The following KANK1 variants were observed in gnomAD, a reference collection of about 807,000 sequenced individuals.
KANK1 encodes KN motif and ankyrin repeat domains 1, also known as KN motif and ankyrin repeat domain-containing protein 1.
In KANK1, 109 loss-of-function variants were observed where a neutral mutation model predicts 106.2. That is an observed-to-expected ratio of 1.03 (90% CI 0.88 to 1.20). The LOEUF (loss-of-function observed/expected upper bound fraction) is 1.20. Ranked by LOEUF, KANK1 falls within the 50% of genes most tolerant of loss-of-function variation. The pLI is 0.00. For synonymous variants in KANK1, 873 were observed against 652.2 expected, an observed-to-expected ratio of 1.34 and a Z score of -5.16; for missense variants, 2,399 against 1,710.7, an observed-to-expected ratio of 1.40 and a Z score of -7.10.
chr9:667,260 GTC>G (rs1844850597), intron 1 of KANK1, among the ~76,000 whole-genome samples: 1 of 151,464 alleles, frequency 6.6e-6, no homozygotes, highest in African/African-American at 2.4e-5. Flanking sequence ...TACTCCTATG[GTC>G]TCTGTTGTTT....
intron 1 of KANK1, chr9:549,511 A>G (rs771772323): frequency 1.2e-4 from 19 of 152,244 alleles, no homozygotes; most frequent in Non-Finnish European, 2.2e-4. Context: ...TTCCTTCAAA[A>G]TAAAAAACTA....
At chr9:538,161 C>G (rs920006356) in intron 1 of KANK1, among the ~76,000 whole-genome samples, 1 of 148,508 alleles carries the variant, frequency 6.7e-6, no homozygotes, top group African/African-American at 2.5e-5. Flanking sequence ...TTCTCTCAGC[C>G]CCTTCTTTCT....
chr9:660,490 G>C (rs1298872487), intron 1 of KANK1, among the ~76,000 whole-genome samples: 3 of 152,130 alleles, frequency 2.0e-5, no homozygotes, highest in Non-Finnish European at 4.4e-5. Flanking sequence ...CAGTAAACTT[G>C]AAAGAGCCAT....
At chr9:620,557 C>T (rs1832912346) in intron 1 of KANK1, among the ~76,000 whole-genome samples, 1 of 151,976 alleles carries the variant, frequency 6.6e-6, no homozygotes, top group Non-Finnish European at 1.5e-5. Flanking sequence ...CGCCTGCCAC[C>T]ACACCCGGCT....
At chr9:657,952 G>T (rs770720121) in intron 1 of KANK1, among the ~76,000 whole-genome samples, 5 of 151,982 alleles carry the variant, frequency 3.3e-5, no homozygotes, top group Non-Finnish European at 7.4e-5. Context: ...GCTCTTCACA[G>T]GTGCAATCAT....
intron 1 of KANK1, among the ~76,000 whole-genome samples, chr9:567,629 A>G (rs1384321793): frequency 6.6e-6 from 1 of 152,202 alleles, no homozygotes; most frequent in Non-Finnish European, 1.5e-5. Flanking sequence ...AGCATTTCTT[A>G]GTTTGAATGT....
intron 1 of KANK1, among the ~76,000 whole-genome samples, chr9:578,524 C>G (rs759166105): frequency 6.6e-6 from 1 of 151,736 alleles, no homozygotes; most frequent in Non-Finnish European, 1.5e-5. Flanking sequence ...ATCTTAAAAA[C>G]TAAATATATC....
intron 1 of KANK1, among the ~76,000 whole-genome samples, chr9:675,102 T>C (rs1482899511): frequency 1.3e-5 from 2 of 152,288 alleles, no homozygotes; most frequent in South Asian, 4.1e-4. Flanking sequence ...CAGTGAACAT[T>C]TTGGTACAAT....
chr9:485,857 T>G, intron 3 of KANK1, among the ~76,000 whole-genome samples: 2 of 134,228 alleles, frequency 1.5e-5, no homozygotes, highest in Non-Finnish European at 3.1e-5. Flanking sequence ...GGTGACAGAG[T>G]GAGAATTGTC....
intron 1 of KANK1, among the ~76,000 whole-genome samples, chr9:570,525 G>C (rs560278984): frequency 1.4e-3 from 207 of 152,178 alleles, no homozygotes; most frequent in Non-Finnish European, 2.4e-3. Context: ...TAATCTGTTA[G>C]AGGATCTTTC....
At chr9:510,519 G>C (rs2058983689) in intron 1 of KANK1, among the ~76,000 whole-genome samples, 1 of 152,108 alleles carries the variant, frequency 6.6e-6, no homozygotes, top group South Asian at 2.1e-4. Flanking sequence ...AGTAAGACTT[G>C]AGCTCAGCTT....
chr9:541,364 G>C (rs528698246), intron 1 of KANK1, among the ~76,000 whole-genome samples: 4 of 152,184 alleles, frequency 2.6e-5, no homozygotes, highest in Admixed American at 2.6e-4. Context: ...TGGAAAAACT[G>C]GGCATCCACA....
At chr9:724,568 T>A (rs543689215) in intron 3 of KANK1, among the ~76,000 whole-genome samples, 1 of 151,996 alleles carries the variant, frequency 6.6e-6, no homozygotes, top group East Asian at 1.9e-4. Context: ...GAGGCCGAGG[T>A]AGGTAGGTGG....
intron 1 of KANK1, among the ~76,000 whole-genome samples, chr9:518,529 A>G (rs1452193035): frequency 2.0e-5 from 3 of 151,696 alleles, no homozygotes; most frequent in South Asian, 4.1e-4. Context: ...TCGAAACTCT[A>G]CTATTTCCTG....
intron 1 of KANK1, among the ~76,000 whole-genome samples, chr9:519,615 C>T (rs1008730013): frequency 2.6e-5 from 4 of 151,694 alleles, no homozygotes; most frequent in East Asian, 1.9e-4. Context: ...GGAATGATTT[C>T]GACCTCTCAT....
intron 5 of KANK1, 43 bp from the exon 6 acceptor site, chr9:732,335 G>C: frequency 1.9e-6 from 3 of 1,579,810 alleles, no homozygotes; most frequent in South Asian, 1.1e-5. Context: ...CTGGGTCTTC[G>C]TGAGCACACC....
chr9:695,204 G>A (rs1820937158), intron 2 of KANK1, among the ~76,000 whole-genome samples: 1 of 152,130 alleles, frequency 6.6e-6, no homozygotes, highest in Non-Finnish European at 1.5e-5. Context: ...GGTGCTCTGG[G>A]TGGCTTAAAG....
rs1459530039 is a variant in KANK1 at position 666,914 on chromosome 9, T to C, written c.-83-9976T>C. On this transcript the variant is annotated intron_variant, in intron 1 of 11. Transcript: ENST00000382297. The stretch of plus-strand genomic sequence containing the variant: ...GCCTATTGTTGTCTTTTTTTTTTTT[T>C]TTTTTTTTTTTGGTGGCCTTATCTG... Among the ~76,000 whole-genome samples, 154 of 148,696 alleles carry C rather than the reference T, an allele frequency of 1.0e-3. 1 individual carries two copies. Among genetic ancestry groups the C allele is most frequent in the African/African-American group, 3.6e-3 (145 of 40,582 alleles).
At chr9:717,688 A>G (rs1445385322) in intron 3 of KANK1, among the ~76,000 whole-genome samples, 1 of 152,210 alleles carries the variant, frequency 6.6e-6, no homozygotes, top group Non-Finnish European at 1.5e-5. Flanking sequence ...TGGTAAAAAA[A>G]AGTTTATTCT....
Sources: allele counts gnomAD v4.1 joint callset (sites outside exome capture counted in the v4.1 genomes callset), GRCh38; gene constraint gnomAD v4.1.1; transcripts MANE v1.5; gene names NCBI Gene and HGNC (gene_info 2026-07-23, HGNC 2026-07-21).